Variants in SOBP observed in about 807,000 individuals in gnomAD.
The protein encoded by SOBP is sine oculis-binding protein homolog.
In SOBP, 4 loss-of-function variants were observed where a neutral mutation model predicts 53.6. The ratio of observed to expected loss-of-function variants is 0.07; its 90% CI spans 0.04 to 0.17. The LOEUF (loss-of-function observed/expected upper bound fraction) is 0.17. SOBP is among the 10% of genes least tolerant of loss of function. The pLI is 1.00. For synonymous variants in SOBP, 584 were observed against 522.6 expected, an observed-to-expected ratio of 1.12 and a Z score of -1.60; for missense variants, 1,088 against 1,204.7, an observed-to-expected ratio of 0.90 and a Z score of 1.43.
Position 107,493,772 on chromosome 6 carries a change from A to G in SOBP, c.96+3060A>G, listed in dbSNP as rs112867905. Among the ~76,000 whole-genome samples the G allele has an allele frequency of 8.6e-3, 1,303 of 152,326 alleles. 19 individuals carry two copies. Among genetic ancestry groups the G allele is most frequent in the African/African-American group, 0.026 (1,070 of 41,574 alleles). ...TCCTAATTGAGATAGTCACATATTT[A>G]TTTTAAAATGGCTGGAGAAGACAAA... On this transcript the variant is annotated intron_variant, in intron 1 of 6. Transcript: ENST00000317357.
chr6:107,496,330 T>C (rs1782697841), intron 1 of SOBP, among the ~76,000 whole-genome samples: 1 of 152,200 alleles, frequency 6.6e-6, no homozygotes, highest in South Asian at 2.1e-4. Flanking sequence ...CAGCATTTGT[T>C]TGACCTTTTT....
chr6:107,575,054 C>T (rs527487557), intron 4 of SOBP, among the ~76,000 whole-genome samples: 4 of 152,116 alleles, frequency 2.6e-5, no homozygotes, highest in Admixed American at 6.5e-5. Flanking sequence ...CTGGGGCGCA[C>T]GAGCAGTGTG....
intron 3 of SOBP, among the ~76,000 whole-genome samples, chr6:107,528,343 C>T (rs1318310877): frequency 6.6e-6 from 1 of 152,182 alleles, no homozygotes; most frequent in Non-Finnish European, 1.5e-5. Context: ...GGGGGTCTCC[C>T]ATTTCAACCA....
intron 5 of SOBP, among the ~76,000 whole-genome samples, chr6:107,617,485 C>A (rs1233292773): frequency 6.6e-6 from 1 of 152,168 alleles, no homozygotes; most frequent in African/African-American, 2.4e-5. Flanking sequence ...TCAAAGATGT[C>A]TTAAGCTAAG....
intron 4 of SOBP, among the ~76,000 whole-genome samples, chr6:107,586,652 T>A (rs1006783932): frequency 6.6e-6 from 1 of 152,192 alleles, no homozygotes; most frequent in Non-Finnish European, 1.5e-5. Flanking sequence ...AATATAATTA[T>A]GCAGATTGCT....
At chr6:107,577,933 G>A (rs925821575) in intron 4 of SOBP, among the ~76,000 whole-genome samples, 2 of 152,124 alleles carry the variant, frequency 1.3e-5, no homozygotes, top group Non-Finnish European at 2.9e-5. Context: ...AATTAGCCAG[G>A]CATGGTGGCA....
At chr6:107,593,612 A>G (rs1785838762) in intron 5 of SOBP, among the ~76,000 whole-genome samples, 1 of 152,196 alleles carries the variant, frequency 6.6e-6, no homozygotes, top group Non-Finnish European at 1.5e-5. Context: ...GTCTTTATCA[A>G]TATGACGAGA....
chr6:107,650,315 G>A (rs1425735177), intron 6 of SOBP, among the ~76,000 whole-genome samples: 1 of 152,196 alleles, frequency 6.6e-6, no homozygotes, highest in African/African-American at 2.4e-5. Context: ...CTTACCATGA[G>A]CTATAGACTC....
chr6:107,549,528 A>C (rs1182844995), intron 4 of SOBP, among the ~76,000 whole-genome samples: 1 of 151,958 alleles, frequency 6.6e-6, no homozygotes, highest in African/African-American at 2.4e-5. Flanking sequence ...GAAGAAAGTT[A>C]AAGTGCCCCA....
chr6:107,635,043 G>A lies in SOBP; in HGVS notation c.2199G>A (p.Glu733=), dbSNP rs952441006. Residue 733 remains glutamate, a synonymous_variant, in exon 6 of 7, where the codon GAG becomes GAA. Transcript: ENST00000317357. The surrounding 1 kb of genome is among the most constrained non-coding windows in gnomAD (Gnocchi z 4.5). ...ACGGCACGCGCGGCGCCGCCGCCGA[G>A]GGCGCTAAGAGCGCGGAGCCGCCTC... is the stretch of plus-strand genomic sequence containing the variant. The part of the protein sequence containing the change: ...IVNGTRGAAA[E]GAKSAEPPPE... 7.8e-7 allele frequency: 1 copy of A among 1,289,888 alleles called. No individual in the cohort carries two copies. The highest frequency in any genetic ancestry group is 9.8e-7 in the Non-Finnish European group (1 of 1,019,892). The allele number at this position is 1,289,888 out of a possible 1,614,324, so 79.9% of individuals were successfully genotyped here.
intron 4 of SOBP, among the ~76,000 whole-genome samples, chr6:107,576,948 G>A (rs1322229024): frequency 6.6e-6 from 1 of 152,206 alleles, no homozygotes; most frequent in Non-Finnish European, 1.5e-5. Context: ...TGTTAGTTGA[G>A]AATTTATAGT....
intron 4 of SOBP, among the ~76,000 whole-genome samples, chr6:107,543,417 A>G (rs566724627): frequency 2.6e-5 from 4 of 152,322 alleles, no homozygotes; most frequent in Admixed American, 6.5e-5. Context: ...CTCATTGTCT[A>G]TGCTTACATT....
At chr6:107,614,336 C>G (rs1786702968) in intron 5 of SOBP, among the ~76,000 whole-genome samples, 1 of 152,126 alleles carries the variant, frequency 6.6e-6, no homozygotes, top group Non-Finnish European at 1.5e-5. Context: ...TAGGTTGAAG[C>G]AGCTTGAACA....
Position 107,635,480 on chromosome 6 carries a change from C to T in SOBP, c.*3+11C>T, listed in dbSNP as rs1288558313. On this transcript the variant is annotated intron_variant, in intron 6 of 6. Coordinates refer to ENST00000317357, the MANE Select transcript of SOBP (RefSeq NM_018013.4). The surrounding 1 kb of genome is among the most constrained non-coding windows in gnomAD (Gnocchi z 4.5). ...CAGAATAAGTAAAAGGTTTGTATGTCCGCCGGGCGCTCCTCCACACCAGCC... is the reference window on the plus strand; with the variant it reads ...CAGAATAAGTAAAAGGTTTGTATGTTCGCCGGGCGCTCCTCCACACCAGCC... 6.2e-7 allele frequency: 1 copy of T among 1,611,770 alleles called. No homozygotes were observed. Among genetic ancestry groups the T allele is most frequent in the South Asian group, 1.1e-5 (1 of 90,920 alleles).
chr6:107,562,294 C>T (rs1475980969), intron 4 of SOBP, among the ~76,000 whole-genome samples: 2 of 152,152 alleles, frequency 1.3e-5, no homozygotes, highest in African/African-American at 4.8e-5. Flanking sequence ...GCTGGGATTA[C>T]AGGTGTGAGC....
rs79916155 is a variant in SOBP at position 107,646,242 on chromosome 6, A to G, written c.*3+10773A>G. Among the ~76,000 whole-genome samples, 121 of 152,376 alleles carry G rather than the reference A, an allele frequency of 7.9e-4. 2 individuals are homozygous for G. In the East Asian group the frequency reaches 0.022, roughly 27 times the overall value. On this transcript the variant is annotated intron_variant, in intron 6 of 6. Transcript: ENST00000317357. ...ATCTATGGGTTAAGTATGGAAAGCC[A>G]TTGTCTCTGGACAGTGAGAAGAACT...
chr6:107,583,722 G>A (rs1785479203), intron 4 of SOBP, among the ~76,000 whole-genome samples: 1 of 151,958 alleles, frequency 6.6e-6, no homozygotes, highest in South Asian at 2.1e-4. Context: ...TGGTAGAGAT[G>A]GGGTCTCCCT....
intron 3 of SOBP, among the ~76,000 whole-genome samples, chr6:107,524,623 A>G (rs1783609352): frequency 1.3e-5 from 2 of 152,226 alleles, no homozygotes; most frequent in South Asian, 2.1e-4. Context: ...GTCTTTAGTC[A>G]ATCTGAACAT....
intron 5 of SOBP, among the ~76,000 whole-genome samples, chr6:107,607,309 A>G (rs971827667): frequency 6.6e-6 from 1 of 152,194 alleles, no homozygotes; most frequent in Non-Finnish European, 1.5e-5. Flanking sequence ...CAGGAAGTGG[A>G]CAGTAACTTA....
Sources: allele counts gnomAD v4.1 joint callset (sites outside exome capture counted in the v4.1 genomes callset), GRCh38; gene constraint gnomAD v4.1.1; non-coding constraint Gnocchi (gnomAD v3.1); transcripts MANE v1.5; gene names NCBI Gene and HGNC (gene_info 2026-07-23, HGNC 2026-07-21).